PAX3: variants seen among roughly 807,000 people sequenced by gnomAD.
The protein encoded by PAX3 is paired box 3.
A neutral mutation model predicts 51.6 loss-of-function variants in PAX3; 14 were observed. The observed-to-expected ratio is 0.27, with a 90% CI of 0.18 to 0.42. The LOEUF (loss-of-function observed/expected upper bound fraction) is 0.42. Ranked by LOEUF, PAX3 falls within the 10% of genes least tolerant of loss-of-function variation. PAX3 has a pLI of 1.00. For synonymous variants in PAX3, 280 were observed against 253.4 expected (o/e 1.11, Z -1.00); for missense variants, 540 against 642.8 (o/e 0.84, Z 1.73).
chr2:222,258,662 T>C (rs1476690493), intron 4 of PAX3, among the ~76,000 whole-genome samples: 2 of 152,160 alleles, frequency 1.3e-5, no homozygotes, highest in African/African-American at 4.8e-5. Context: ...TCTATATGCT[T>C]CTCCCCTTCC....
intron 7 of PAX3, among the ~76,000 whole-genome samples, chr2:222,205,524 A>G (rs1232249528): frequency 6.6e-6 from 1 of 152,152 alleles, no homozygotes; most frequent in African/African-American, 2.4e-5. Flanking sequence ...TTCCACTGTG[A>G]TGGTCACATA....
intron 7 of PAX3, among the ~76,000 whole-genome samples, chr2:222,210,995 T>C (rs931346703): frequency 5.3e-5 from 8 of 152,038 alleles, no homozygotes; most frequent in Admixed American, 3.3e-4. Context: ...GCCTCCTGAG[T>C]AGTTGGGAGT....
intron 7 of PAX3, among the ~76,000 whole-genome samples, chr2:222,209,959 G>A (rs1691663313): frequency 6.6e-6 from 1 of 151,992 alleles, no homozygotes; most frequent in Admixed American, 6.6e-5. Context: ...CAACATCTGA[G>A]AACACAGTCT....
chr2:222,222,656 A>G (rs1692242618), intron 5 of PAX3, among the ~76,000 whole-genome samples: 1 of 152,110 alleles, frequency 6.6e-6, no homozygotes, highest in South Asian at 2.1e-4. Context: ...CGACCTCCCA[A>G]AGTGCTGGGA....
chr2:222,260,591 G>GT (rs374339768), intron 4 of PAX3, among the ~76,000 whole-genome samples: 7,153 of 62,966 alleles, frequency 0.11, 423 homozygotes, highest in East Asian at 0.14. Context: ...TTTTTTTTTT[G>GT]TTTTTTTTTT....
At chr2:222,224,641 T>A (rs1329757757) in intron 5 of PAX3, among the ~76,000 whole-genome samples, 1 of 152,052 alleles carries the variant, frequency 6.6e-6, no homozygotes, top group Non-Finnish European at 1.5e-5. Context: ...AGCGTAGTGA[T>A]CCTAGGAGGC....
intron 2 of PAX3, 99 bp downstream of exon 2, chr2:222,296,879 T>A: frequency 1.0e-6 from 1 of 993,932 alleles, no homozygotes; most frequent in South Asian, 1.4e-5. Flanking sequence ...AAATAACTCA[T>A]TGGAGAGCCC....
intron 7 of PAX3, among the ~76,000 whole-genome samples, chr2:222,208,050 A>T (rs1574628240): frequency 6.6e-6 from 1 of 151,582 alleles, no homozygotes; most frequent in African/African-American, 2.4e-5. Flanking sequence ...GCCAGTGATG[A>T]ATGACCATAT....
chr2:222,274,830 T>C (rs1444209748), intron 4 of PAX3, among the ~76,000 whole-genome samples: 1 of 152,188 alleles, frequency 6.6e-6, no homozygotes, highest in Non-Finnish European at 1.5e-5. Context: ...TACAGTTATC[T>C]TGCTATTCAA....
At chr2:222,280,332 GAGGGA>G (rs1215568124) in intron 4 of PAX3, among the ~76,000 whole-genome samples, 114 of 121,528 alleles carry the variant, frequency 9.4e-4, no homozygotes, top group Non-Finnish European at 1.6e-3. Flanking sequence ...GAGGGGAGGG[GAGGGA>G]GGAAGGAAAG....
At chr2:222,261,136 TA>T (rs1693847536) in intron 4 of PAX3, among the ~76,000 whole-genome samples, 1 of 152,222 alleles carries the variant, frequency 6.6e-6, no homozygotes, top group Non-Finnish European at 1.5e-5. Context: ...AGACTTTATC[TA>T]ACCCAAAGTT....
At chr2:222,256,370 C>T (rs967039329) in intron 4 of PAX3, among the ~76,000 whole-genome samples, 2 of 152,026 alleles carry the variant, frequency 1.3e-5, no homozygotes, top group Admixed American at 6.6e-5. Flanking sequence ...GCAGGACGTC[C>T]TCTCATCCCA....
intron 4 of PAX3, among the ~76,000 whole-genome samples, chr2:222,288,124 T>G (rs1395732247): frequency 1.3e-5 from 2 of 152,230 alleles, no homozygotes; most frequent in Non-Finnish European, 2.9e-5. Flanking sequence ...TATATTGTGT[T>G]CTTAAACAAA....
intron 4 of PAX3, among the ~76,000 whole-genome samples, chr2:222,248,216 G>A (rs1693297538): frequency 6.6e-5 from 10 of 152,170 alleles, no homozygotes; most frequent in Admixed American, 6.5e-4. Context: ...AACTGAACAT[G>A]TACACAAAAA....
At chr2:222,221,138 G>T in intron 6 of PAX3, 84 bp downstream of exon 6, 3 of 1,293,146 alleles carry the variant, frequency 2.3e-6, no homozygotes, top group South Asian at 1.2e-5. Context: ...TGTCAGTACT[G>T]CAGAAGGATT....
At chr2:222,279,137 G>A (rs1173355413) in intron 4 of PAX3, among the ~76,000 whole-genome samples, 1 of 152,150 alleles carries the variant, frequency 6.6e-6, no homozygotes, top group Non-Finnish European at 1.5e-5. Flanking sequence ...TTTTAGTAGA[G>A]ACGGGGCGGT....
chr2:222,294,204 C>T lies in PAX3; in HGVS notation c.549G>A (p.Lys183=). The part of the protein sequence containing the change: ...ERKEAEESEK[K]AKHSIDGILS... ...GGATGCCGTCGATGCTGTGTTTGGCCTTCTTCTCGCTTTCCTCTGCCTCCT... is the reference window on the plus strand; with the variant it reads ...GGATGCCGTCGATGCTGTGTTTGGCTTTCTTCTCGCTTTCCTCTGCCTCCT... Residue 183 remains lysine, a synonymous_variant, in exon 4 of 9, where the codon AAG becomes AAA. Transcript: ENST00000392070. The T allele has an allele frequency of 6.2e-7, 1 of 1,614,196 alleles. No individual in the cohort carries two copies. Among genetic ancestry groups the T allele is most frequent in the Non-Finnish European group, 8.5e-7 (1 of 1,180,008 alleles).
chr2:222,249,431 G>T (rs371681755), intron 4 of PAX3, among the ~76,000 whole-genome samples: 19 of 152,186 alleles, frequency 1.2e-4, no homozygotes, highest in South Asian at 1.2e-3. Flanking sequence ...CCTTAGGAAA[G>T]GTTTACTCTT....
chr2:222,247,562 T>C (rs1375262070), intron 4 of PAX3, among the ~76,000 whole-genome samples: 1 of 152,170 alleles, frequency 6.6e-6, no homozygotes, highest in East Asian at 1.9e-4. Flanking sequence ...ACCTCCATCA[T>C]CAACTGGCTT....
Sources: gnomAD v4.1 joint callset for allele counts (sites outside exome capture counted in the v4.1 genomes callset) on GRCh38, gnomAD v4.1.1 for gene constraint, MANE v1.5 for transcripts, NCBI Gene and HGNC (gene_info 2026-07-23, HGNC 2026-07-21) for gene names.